Variants in ASB3 observed in about 807,000 individuals in gnomAD.
ASB3 encodes ankyrin repeat and SOCS box protein 3.
In ASB3, 41 loss-of-function variants were observed where a neutral mutation model predicts 54.5. That is an observed-to-expected ratio of 0.75 (90% CI 0.59 to 0.98). ASB3 has a LOEUF of 0.98. Among genes scored for constraint, ASB3 ranks in the 50% least tolerant of loss-of-function variants. The probability of loss-of-function intolerance (pLI) is 0.00; values close to 1 mark genes in which losing one functional copy is unlikely to be tolerated. For missense variants in ASB3, 733 were observed against 620.0 expected, an observed-to-expected ratio of 1.18 and a Z score of -1.94; for synonymous variants, 266 against 221.2, an observed-to-expected ratio of 1.20 and a Z score of -1.80.
intron 8 of ASB3, among the ~76,000 whole-genome samples, chr2:53,696,197 G>GTTAC (rs912368257): frequency 6.6e-6 from 1 of 152,116 alleles, no homozygotes; most frequent in Non-Finnish European, 1.5e-5. Context: ...AGTAACCAAA[G>GTTAC]TTACTCCTCA....
At chr2:53,781,173 T>A (rs1260972875) in intron 1 of ASB3, among the ~76,000 whole-genome samples, 1 of 151,964 alleles carries the variant, frequency 6.6e-6, no homozygotes, top group Non-Finnish European at 1.5e-5. Flanking sequence ...TTTGGGAGGC[T>A]TGAGGGGGCA....
chr2:53,724,934 T>C (rs940100769), intron 5 of ASB3, among the ~76,000 whole-genome samples: 1 of 152,174 alleles, frequency 6.6e-6, no homozygotes, highest in Admixed American at 6.6e-5. Flanking sequence ...ACTGGGTATA[T>C]ATCCAAAAGA....
intron 3 of ASB3, among the ~76,000 whole-genome samples, chr2:53,737,692 T>C (rs1313291740): frequency 6.9e-6 from 1 of 144,968 alleles, no homozygotes; most frequent in Non-Finnish European, 1.5e-5. Flanking sequence ...AGCTTTTGTG[T>C]ATGTGAAATT....
At chr2:53,699,280 T>C (rs369783828) in intron 8 of ASB3, among the ~76,000 whole-genome samples, 1 of 152,202 alleles carries the variant, frequency 6.6e-6, no homozygotes, top group South Asian at 2.1e-4. Flanking sequence ...CCAAATATCA[T>C]CAACAAATGA....
chr2:53,765,447 CCT>C lies in ASB3; in HGVS notation c.124_125del (p.Arg42GlyfsTer7), dbSNP rs769476198. Reference sequence around the variant, plus strand: ...CTGCTTCATGAATTGGCATCCATCCCCTGTTATCAGCAACATCGACACTTCGG... The same window carrying C: ...CTGCTTCATGAATTGGCATCCATCCCGTTATCAGCAACATCGACACTTCGG... ...KGRSVDVADN[R>X]GWMPIHEAAY... On this transcript the variant is annotated frameshift_variant, in exon 2 of 10. Coordinates refer to ENST00000263634, the MANE Select transcript of ASB3 (RefSeq NM_016115.5). LOFTEE classifies it high-confidence loss of function. The C allele has an allele frequency of 3.3e-5, 54 of 1,614,184 alleles. No homozygotes were observed. Among genetic ancestry groups the C allele is most frequent in the East Asian group, 6.7e-5 (3 of 44,888 alleles).
At chr2:53,769,457 G>C (rs1353742424) in intron 1 of ASB3, among the ~76,000 whole-genome samples, 1 of 152,236 alleles carries the variant, frequency 6.6e-6, no homozygotes, top group Non-Finnish European at 1.5e-5. Context: ...AAAATGTACA[G>C]TGTGTTACAA....
chr2:53,760,379 T>C (rs1673075612), intron 2 of ASB3, among the ~76,000 whole-genome samples: 1 of 151,968 alleles, frequency 6.6e-6, no homozygotes, highest in Non-Finnish European at 1.5e-5. Context: ...ACTGCCAGGG[T>C]CACCAGAAAG....
At chr2:53,767,703 A>C in intron 1 of ASB3, 2 of 671,862 alleles carry the variant, frequency 3.0e-6, no homozygotes, top group Non-Finnish European at 5.0e-6. Context: ...GAAATAAAAT[A>C]AAGCTGACTG....
intron 7 of ASB3, among the ~76,000 whole-genome samples, chr2:53,713,243 A>G (rs971433500): frequency 6.6e-6 from 1 of 152,224 alleles, no homozygotes; most frequent in Non-Finnish European, 1.5e-5. Context: ...AAGAGATAGT[A>G]AAGGCTGAAA....
At chr2:53,741,892 TA>T (rs1050466858) in intron 3 of ASB3, among the ~76,000 whole-genome samples, 4 of 152,106 alleles carry the variant, frequency 2.6e-5, no homozygotes, top group African/African-American at 4.8e-5. Flanking sequence ...TCAAAATTTG[TA>T]AAAGGGGCTC....
At chr2:53,761,015 T>C (rs1189745572) in intron 2 of ASB3, among the ~76,000 whole-genome samples, 1 of 152,158 alleles carries the variant, frequency 6.6e-6, no homozygotes, top group Admixed American at 6.5e-5. Flanking sequence ...ACCCCTACTA[T>C]GCCCCAATAC....
chr2:53,680,023 T>G (rs1051445767), intron 9 of ASB3, among the ~76,000 whole-genome samples: 1 of 152,176 alleles, frequency 6.6e-6, no homozygotes, highest in African/African-American at 2.4e-5. Flanking sequence ...ATTAGTTTGC[T>G]AAGGATAATG....
intron 2 of ASB3, among the ~76,000 whole-genome samples, chr2:53,759,523 C>T (rs561890864): frequency 2.6e-4 from 39 of 152,272 alleles, no homozygotes; most frequent in African/African-American, 8.4e-4. Flanking sequence ...CTGAACTTGG[C>T]AACCTCAGTT....
intron 1 of ASB3, chr2:53,786,529 A>G (rs924510479): frequency 2.0e-5 from 3 of 152,268 alleles, no homozygotes; most frequent in Admixed American, 1.3e-4. Flanking sequence ...CGAGATGGCC[A>G]CGGTCCACAG....
intron 9 of ASB3, among the ~76,000 whole-genome samples, chr2:53,672,815 T>C (rs537892787): frequency 6.6e-6 from 1 of 152,310 alleles, no homozygotes; most frequent in Non-Finnish European, 1.5e-5. Context: ...TACAGGTTTT[T>C]TTGCTTTCAG....
In ASB3 at chr2:53,693,013, C is replaced by T. The variant is rs187760781; in HGVS notation, c.1369+871G>A. The stretch of plus-strand genomic sequence containing the variant: ...GTCTGTTTTTGATTGAGAAAATTTA[C>T]TTAAATGTAATTTTCCAAAAATTAG... On this transcript the variant is annotated intron_variant, in intron 9 of 9. Coordinates refer to ENST00000263634, the MANE Select transcript of ASB3 (RefSeq NM_016115.5). 1.0e-3 allele frequency among the ~76,000 whole-genome samples: 159 copies of T among 152,204 alleles called. 1 individual carries two copies. Among genetic ancestry groups the T allele is most frequent in the Non-Finnish European group, 6.0e-4 (41 of 67,992 alleles).
chr2:53,695,810 G>C (rs1173514064), intron 8 of ASB3, among the ~76,000 whole-genome samples: 1 of 152,190 alleles, frequency 6.6e-6, no homozygotes, highest in East Asian at 1.9e-4. Flanking sequence ...CGCAGGCAGA[G>C]GAATACTTAG....
chr2:53,743,554 T>C (rs1205294312), intron 3 of ASB3, among the ~76,000 whole-genome samples: 2 of 152,004 alleles, frequency 1.3e-5, no homozygotes, highest in African/African-American at 4.8e-5. Flanking sequence ...CTGACAAAAG[T>C]TGGAAAAGCG....
At chr2:53,751,843 A>C (rs904076943) in intron 2 of ASB3, among the ~76,000 whole-genome samples, 5 of 152,264 alleles carry the variant, frequency 3.3e-5, no homozygotes, top group Admixed American at 2.0e-4. Flanking sequence ...CAAAGAAAAC[A>C]GTCTCAAACT....
Sources: gnomAD v4.1 joint callset for allele counts (sites outside exome capture counted in the v4.1 genomes callset) on GRCh38, gnomAD v4.1.1 for gene constraint, MANE v1.5 for transcripts, NCBI Gene and HGNC (gene_info 2026-07-23, HGNC 2026-07-21) for gene names.